The following KBTBD11 variants were observed in gnomAD, a reference collection of about 807,000 sequenced individuals.
KBTBD11 encodes the protein kelch repeat and BTB domain-containing protein 11.
For missense variants in KBTBD11, 1,390 were observed against 1,001.8 expected (o/e 1.39, Z -5.23); for synonymous variants, 747 against 499.0 (o/e 1.50, Z -6.63).
intron 1 of KBTBD11, among the ~76,000 whole-genome samples, chr8:1,996,935 A>G (rs1446299470): frequency 6.6e-6 from 1 of 152,164 alleles, no homozygotes; most frequent in Non-Finnish European, 1.5e-5. Context: ...TTTATATTTA[A>G]TTAGCCCTTG....
rs1817473575 is a variant in KBTBD11, at chr8:2,003,404, C to G, written c.*340C>G. 2 of 232,818 alleles carry G rather than the reference C, an allele frequency of 8.6e-6. No individual in the cohort carries two copies. The highest frequency in any genetic ancestry group is 1.8e-5 in the Non-Finnish European group (2 of 112,076). 14.4% of individuals were successfully genotyped at this position (232,818 alleles called of 1,614,324 possible). On this transcript the variant is annotated 3_prime_UTR_variant, in exon 2 of 2. Transcript: ENST00000320248. The stretch of plus-strand genomic sequence containing the variant: ...GCAGCCGGCCCCGGGGTGTCCCGAA[C>G]CCCGCAGAGCACCGAGGCTGTGCGC...
intron 1 of KBTBD11, chr8:1,975,929 G>T (rs918030770): frequency 6.6e-6 from 1 of 152,238 alleles, no homozygotes; most frequent in Non-Finnish European, 1.5e-5. Context: ...AGCCCAGCAG[G>T]TCCCGTCTTT....
At chr8:1,979,238 T>G (rs1474415257) in intron 1 of KBTBD11, among the ~76,000 whole-genome samples, 3 of 152,212 alleles carry the variant, frequency 2.0e-5, no homozygotes, top group Non-Finnish European at 4.4e-5. Flanking sequence ...CCTCCGCCTT[T>G]TTAAGGCTTT....
Position 1,996,853 on chromosome 8 carries a change from G to A in KBTBD11, c.-908-3432G>A, listed in dbSNP as rs556902217. ...ACTTAGAAGTTTAGATATTTATAAGGCCCAGAAGAAACTTACATCTTCTGG... is the reference window on the plus strand; with the variant it reads ...ACTTAGAAGTTTAGATATTTATAAGACCCAGAAGAAACTTACATCTTCTGG... On this transcript the variant is annotated intron_variant, in intron 1 of 1. Coordinates refer to ENST00000320248, the MANE Select transcript of KBTBD11 (RefSeq NM_014867.3). Among the ~76,000 whole-genome samples the A allele has an allele frequency of 8.5e-5, 13 of 152,074 alleles. No individual in the cohort carries two copies. In the South Asian group the frequency reaches 2.7e-3, roughly 32 times the overall value.
Position 2,002,664 on chromosome 8 carries a change from G to T in KBTBD11, c.1472G>T (p.Arg491Leu), listed in dbSNP as rs1413846344. The T allele has an allele frequency of 6.4e-7, 1 of 1,571,918 alleles. No individual in the cohort carries two copies. The highest frequency in any genetic ancestry group is 8.6e-7 in the Non-Finnish European group (1 of 1,168,040). The stretch of plus-strand genomic sequence containing the variant: ...TGCCCGTGCAGCAGCAGCCGCGAGC[G>T]CTCGGCCGACATGGTGGCTCTCGAC... ...QECPCSSSRERSADMVALDGF... is the reference protein window; with the variant it reads ...QECPCSSSRELSADMVALDGF... The change falls in exon 2 of 2, where the codon CGC becomes CTC. Residue 491 changes from arginine (R) to leucine (L), a missense_variant. By Grantham distance (102) the Arg-to-Leu change is moderately radical. Transcript: ENST00000320248. This position sits in a 1 kb window ranked among gnomAD's most constrained non-coding sequence, Gnocchi z 4.1.
At chr8:1,983,929 A>G (rs1025476089) in intron 1 of KBTBD11, among the ~76,000 whole-genome samples, 2 of 151,740 alleles carry the variant, frequency 1.3e-5, no homozygotes, top group Non-Finnish European at 2.9e-5. Flanking sequence ...CAGGAGTTTG[A>G]GACCAGCCTG....
At chr8:1,974,123 C>CCGGCAGGGGAGAGGCGG (rs1816228578) in intron 1 of KBTBD11, among the ~76,000 whole-genome samples, 188 bp downstream of exon 1, 5 of 2,398 alleles carry the variant, frequency 2.1e-3, no homozygotes, top group Non-Finnish European at 3.7e-3. Flanking sequence ...GGGAGGGGAG[C>CCGGCAGGGGAGAGGCGG]GGAGCGGAGG....
rs139288584 is a variant in KBTBD11, at chr8:1,987,554, C to T, written c.-908-12731C>T. ...CCCCACCAGACCCCAAGCACCCCTG[C>T]GCTCCGGCCACCCTCGGTCTCTAGA... is the stretch of plus-strand genomic sequence containing the variant. On this transcript the variant is annotated intron_variant, in intron 1 of 1. Coordinates refer to ENST00000320248, the MANE Select transcript of KBTBD11 (RefSeq NM_014867.3). Among the ~76,000 whole-genome samples, 763 of 152,222 alleles carry T rather than the reference C, an allele frequency of 5.0e-3. 4 individuals are homozygous for T. The highest frequency in any genetic ancestry group is 0.01 in the Middle Eastern group (3 of 294).
In KBTBD11 at chr8:1,988,661, T is replaced by C. The variant is rs184365111; in HGVS notation, c.-908-11624T>C. Among the ~76,000 whole-genome samples the C allele has an allele frequency of 4.5e-3, 683 of 152,316 alleles. 3 individuals are homozygous for C. The highest frequency in any genetic ancestry group is 0.01 in the Middle Eastern group (3 of 294). On this transcript the variant is annotated intron_variant, in intron 1 of 1. Coordinates refer to ENST00000320248, the MANE Select transcript of KBTBD11 (RefSeq NM_014867.3). ...TCTTCTTGCTAGTCTCTTCAAGCCTTTGTCCTGGTTCCTGAATCCATTCAA... is the reference window on the plus strand; with the variant it reads ...TCTTCTTGCTAGTCTCTTCAAGCCTCTGTCCTGGTTCCTGAATCCATTCAA...
Position 1,973,820 on chromosome 8 carries a change from G to A in KBTBD11, c.-1024G>A, listed in dbSNP as rs1036141738. 5.4e-5 allele frequency: 53 copies of A among 983,228 alleles called. No homozygotes were observed. Among genetic ancestry groups the A allele is most frequent in the Middle Eastern group, 5.2e-4 (1 of 1,908 alleles). The allele number at this position is 983,228 out of a possible 1,614,324, so 60.9% of individuals were successfully genotyped here. A position where few individuals can be genotyped will look rare whatever the true frequency, so the allele number is the denominator to read the frequency against. The stretch of plus-strand genomic sequence containing the variant: ...GAGCAGCTCCCGCTCGCAGGTGCTC[G>A]GAGAGGCCGGGCCGCGGCTCCCACA... On this transcript the variant is annotated 5_prime_UTR_variant, in exon 1 of 2. Transcript: ENST00000320248.
At chr8:1,985,894 A>G (rs1459334568) in intron 1 of KBTBD11, among the ~76,000 whole-genome samples, 3 of 152,256 alleles carry the variant, frequency 2.0e-5, no homozygotes, top group Non-Finnish European at 2.9e-5. Context: ...TGATAACATC[A>G]GGTTGTTCCC....
intron 1 of KBTBD11, among the ~76,000 whole-genome samples, chr8:1,978,186 C>T (rs992755975): frequency 2.0e-5 from 3 of 152,212 alleles, no homozygotes; most frequent in African/African-American, 4.8e-5. Context: ...GTGTGTTGTT[C>T]CCCTCCCTGA....
intron 1 of KBTBD11, among the ~76,000 whole-genome samples, chr8:1,993,358 G>GTCC (rs1278140618): frequency 0.14 from 21,403 of 149,452 alleles, 1,705 homozygotes; most frequent in Admixed American, 0.2. Context: ...TCCATCCATC[G>GTCC]GTCCATCCGT....
chr8:1,986,726 G>C (rs1216359438), intron 1 of KBTBD11, among the ~76,000 whole-genome samples: 1 of 152,184 alleles, frequency 6.6e-6, no homozygotes, highest in East Asian at 1.9e-4. Flanking sequence ...ATAAATAATG[G>C]TAGTTGTTTA....
At position 2,006,309 on chromosome 8, in the gene KBTBD11, G is replaced by A. The variant is rs1021610950; in HGVS notation, c.*3245G>A. The stretch of plus-strand genomic sequence containing the variant: ...TTCTTTTGTCTTTTGCTGAAGTCAG[G>A]ATAGATTCAAGACATAATCTCTTGT... On this transcript the variant is annotated 3_prime_UTR_variant, in exon 2 of 2. Coordinates refer to ENST00000320248, the MANE Select transcript of KBTBD11 (RefSeq NM_014867.3). The A allele has an allele frequency of 9.6e-5, 16 of 167,002 alleles. No homozygotes were observed. The highest frequency in any genetic ancestry group is 2.0e-4 in the Admixed American group (3 of 15,270). The allele number at this position is 167,002 out of a possible 1,614,324, so 10.3% of individuals were successfully genotyped here. A position where few individuals can be genotyped will look rare whatever the true frequency, so the allele number is the denominator to read the frequency against.
chr8:1,991,592 C>A (rs561217032), intron 1 of KBTBD11, among the ~76,000 whole-genome samples: 1 of 152,138 alleles, frequency 6.6e-6, no homozygotes, highest in Non-Finnish European at 1.5e-5. Context: ...CCCAGAGGCC[C>A]GTGCATCGCC....
At chr8:1,982,612 A>C (rs940297872) in intron 1 of KBTBD11, among the ~76,000 whole-genome samples, 1 of 152,222 alleles carries the variant, frequency 6.6e-6, no homozygotes, top group Non-Finnish European at 1.5e-5. Flanking sequence ...AGCTATGCTT[A>C]TATAAGATAA....
intron 1 of KBTBD11, chr8:1,974,713 T>A: frequency 1.0e-6 from 1 of 985,182 alleles, no homozygotes; most frequent in Non-Finnish European, 1.2e-6. Context: ...TCCGCAGGGG[T>A]CCCTCCTCTC....
intron 1 of KBTBD11, among the ~76,000 whole-genome samples, chr8:1,994,581 A>G (rs147497646): frequency 6.6e-6 from 1 of 152,366 alleles, no homozygotes; most frequent in Non-Finnish European, 1.5e-5. Context: ...AATCACATAA[A>G]TGGCTAATCA....
Sources: gnomAD v4.1 joint callset for allele counts (sites outside exome capture counted in the v4.1 genomes callset) on GRCh38, gnomAD v4.1.1 for gene constraint, Gnocchi (gnomAD v3.1) non-coding constraint, MANE v1.5 for transcripts, NCBI Gene and HGNC (gene_info 2026-07-23, HGNC 2026-07-21) for gene names.